CREB5: variants seen among roughly 807,000 people sequenced by gnomAD.
CREB5 encodes cyclic AMP-responsive element-binding protein 5.
In CREB5, 19 loss-of-function variants were observed where a neutral mutation model predicts 57.1. The observed-to-expected ratio is 0.33, with a 90% CI of 0.23 to 0.49. The LOEUF is 0.49. Among genes scored for constraint, CREB5 ranks in the 20% least tolerant of loss-of-function variants. The probability of loss-of-function intolerance (pLI) is 0.99; values close to 1 mark genes in which losing one functional copy is unlikely to be tolerated. For synonymous variants in CREB5, 238 were observed against 238.3 expected, an observed-to-expected ratio of 1.00 and a Z score of 0.01; for missense variants, 579 against 671.6, an observed-to-expected ratio of 0.86 and a Z score of 1.52.
intron 1 of CREB5, among the ~76,000 whole-genome samples, chr7:28,456,119 A>T (rs1790084147): frequency 6.6e-6 from 1 of 152,182 alleles, no homozygotes; most frequent in Non-Finnish European, 1.5e-5. Context: ...ACTTTAGATC[A>T]TGCTTAGGCA....
intron 7 of CREB5, among the ~76,000 whole-genome samples, chr7:28,783,875 A>C (rs1392229628): frequency 2.0e-5 from 3 of 152,238 alleles, no homozygotes; most frequent in Non-Finnish European, 4.4e-5. Context: ...CAAGCCACTT[A>C]CAGAAGGAAT....
intron 9 of CREB5, among the ~76,000 whole-genome samples, chr7:28,811,974 C>T (rs1372059972): frequency 2.6e-5 from 4 of 152,178 alleles, no homozygotes; most frequent in Non-Finnish European, 5.9e-5. Context: ...TATTGACTTC[C>T]GGGCTTGATC....
intron 1 of CREB5, among the ~76,000 whole-genome samples, chr7:28,357,803 C>A (rs1176840180): frequency 1.3e-5 from 2 of 152,060 alleles, no homozygotes; most frequent in Non-Finnish European, 2.9e-5. Flanking sequence ...TAGTACCACT[C>A]TACACAAGTC....
chr7:28,582,764 A>G (rs929442966), intron 5 of CREB5, among the ~76,000 whole-genome samples: 23 of 152,242 alleles, frequency 1.5e-4, no homozygotes, highest in East Asian at 5.8e-4. Context: ...GCGTCCAAAC[A>G]GAACTGGATT....
At chr7:28,435,071 T>G (rs960323860) in intron 1 of CREB5, among the ~76,000 whole-genome samples, 2 of 151,642 alleles carry the variant, frequency 1.3e-5, no homozygotes. Context: ...AACACTGGAA[T>G]TATCACCTAG....
intron 7 of CREB5, among the ~76,000 whole-genome samples, chr7:28,728,884 G>A (rs1320524064): frequency 3.3e-5 from 5 of 152,030 alleles, no homozygotes; most frequent in African/African-American, 1.2e-4. Flanking sequence ...TGATTTCTTT[G>A]AAAAATACCT....
intron 1 of CREB5, among the ~76,000 whole-genome samples, chr7:28,468,861 T>C (rs999129775): frequency 5.3e-5 from 8 of 152,212 alleles, no homozygotes; most frequent in Admixed American, 2.6e-4. Flanking sequence ...AGAATTGAAA[T>C]TCAGAGAAAT....
intron 10 of CREB5, 48 bp downstream of exon 10, chr7:28,818,227 C>T (rs1234585990): frequency 7.2e-7 from 1 of 1,379,980 alleles, no homozygotes; most frequent in South Asian, 1.2e-5. Flanking sequence ...ATATTTTTTG[C>T]CACTAAGTTT....
At chr7:28,418,289 T>A (rs1306726954) in intron 1 of CREB5, among the ~76,000 whole-genome samples, 2 of 152,234 alleles carry the variant, frequency 1.3e-5, no homozygotes, top group Admixed American at 6.5e-5. Flanking sequence ...CACATCAGAA[T>A]GCTTTATTTT....
chr7:28,477,214 C>A (rs915275849), intron 1 of CREB5, among the ~76,000 whole-genome samples: 1 of 152,222 alleles, frequency 6.6e-6, no homozygotes, highest in Non-Finnish European at 1.5e-5. Flanking sequence ...AGTTTGTGAA[C>A]AATACCCCAT....
chr7:28,536,880 A>G (rs578044975), intron 4 of CREB5, among the ~76,000 whole-genome samples: 2 of 152,352 alleles, frequency 1.3e-5, no homozygotes, highest in East Asian at 3.9e-4. Context: ...GCCTGAGGTC[A>G]TTCTACCAGT....
At chr7:28,351,851 T>C (rs902025430) in intron 1 of CREB5, among the ~76,000 whole-genome samples, 9 of 152,108 alleles carry the variant, frequency 5.9e-5, no homozygotes, top group Non-Finnish European at 8.8e-5. Context: ...TCTACAGTAA[T>C]AAAGTTTGGT....
At chr7:28,413,002 T>C (rs2128003916) in intron 1 of CREB5, 85 bp downstream of exon 1, 1 of 1,238,118 alleles carries the variant, frequency 8.1e-7, no homozygotes. Flanking sequence ...TTTTCATAGA[T>C]GGAATTCAGA....
In CREB5 at chr7:28,824,802, G is replaced by C. The variant is rs1247818488; in HGVS notation, c.*5523G>C. On this transcript the variant is annotated 3_prime_UTR_variant, in exon 11 of 11. Coordinates refer to ENST00000357727, the MANE Select transcript of CREB5 (RefSeq NM_182898.4). ...CTATTTAACCACAGCTGAAGTGGGG[G>C]GTAAGGCCAAATTGCCAACACTTGT... is the stretch of plus-strand genomic sequence containing the variant. The C allele has an allele frequency of 6.6e-6, 1 of 152,514 alleles. No individual in the cohort carries two copies. Among genetic ancestry groups the C allele is most frequent in the Non-Finnish European group, 1.5e-5 (1 of 68,008 alleles). The allele number at this position is 152,514 out of a possible 1,614,324, so 9.4% of individuals were successfully genotyped here.
intron 5 of CREB5, among the ~76,000 whole-genome samples, chr7:28,681,782 T>C (rs117318986): frequency 5.6e-4 from 86 of 152,334 alleles, no homozygotes; most frequent in Non-Finnish European, 1.0e-3. Flanking sequence ...AGATAATGCC[T>C]GAGCTGAGGA....
chr7:28,583,300 C>G (rs542824330), intron 5 of CREB5, among the ~76,000 whole-genome samples: 1 of 152,300 alleles, frequency 6.6e-6, no homozygotes, highest in Non-Finnish European at 1.5e-5. Flanking sequence ...TCTTAAAGAT[C>G]AATTTCCGGG....
At chr7:28,504,035 C>CT (rs1224220536) in intron 3 of CREB5, among the ~76,000 whole-genome samples, 3 of 152,166 alleles carry the variant, frequency 2.0e-5, no homozygotes, top group Admixed American at 6.5e-5. Context: ...AATTCATTTT[C>CT]TTTTTGTGAG....
At chr7:28,637,157 A>T (rs1798454107) in intron 5 of CREB5, among the ~76,000 whole-genome samples, 1 of 152,132 alleles carries the variant, frequency 6.6e-6, no homozygotes, top group African/African-American at 2.4e-5. Context: ...CTGTCTTAAA[A>T]AACAAAACAA....
intron 5 of CREB5, among the ~76,000 whole-genome samples, chr7:28,597,427 T>C (rs1372301536): frequency 2.6e-5 from 4 of 152,124 alleles, no homozygotes; most frequent in African/African-American, 9.7e-5. Context: ...AAAGATGTCA[T>C]TTCCAGTGCA....
Sources: gnomAD v4.1 joint callset for allele counts (sites outside exome capture counted in the v4.1 genomes callset) on GRCh38, gnomAD v4.1.1 for gene constraint, MANE v1.5 for transcripts, NCBI Gene and HGNC (gene_info 2026-07-23, HGNC 2026-07-21) for gene names.